Variants in TENM4 observed in about 807,000 individuals in gnomAD.
TENM4 encodes teneurin-4.
Under a neutral mutation model 243.3 loss-of-function variants are expected in TENM4, and 82 were observed. The observed-to-expected ratio is 0.34, with a 90% CI of 0.28 to 0.40. TENM4 has a LOEUF of 0.40. TENM4 is among the 10% of genes least tolerant of loss of function. TENM4 has a pLI of 1.00. For synonymous variants in TENM4, 1,412 were observed against 1,456.3 expected, an observed-to-expected ratio of 0.97 and a Z score of 0.69; for missense variants, 3,138 against 3,673.3, an observed-to-expected ratio of 0.85 and a Z score of 3.77.
At chr11:78,822,516 T>C (rs755901096) in intron 12 of TENM4, among the ~76,000 whole-genome samples, 1 of 152,308 alleles carries the variant, frequency 6.6e-6, no homozygotes, top group Non-Finnish European at 1.5e-5. Context: ...AGAATCGTCA[T>C]GTTCCATGAG....
At chr11:79,290,426 G>A (rs1440702120) in intron 2 of TENM4, among the ~76,000 whole-genome samples, 1 of 152,222 alleles carries the variant, frequency 6.6e-6, no homozygotes, top group Non-Finnish European at 1.5e-5. Flanking sequence ...AAGACTTATT[G>A]CAGAACCTAG....
chr11:79,175,294 T>A (rs779001090), intron 3 of TENM4, among the ~76,000 whole-genome samples: 1 of 152,158 alleles, frequency 6.6e-6, no homozygotes, highest in Non-Finnish European at 1.5e-5. Context: ...TTTCCACGGG[T>A]GATAGTAAAA....
Position 79,128,339 on chromosome 11 carries a change from A to G in TENM4, c.-66+20371T>C, listed in dbSNP as rs1216095657. Among the ~76,000 whole-genome samples the G allele has an allele frequency of 3.3e-5, 5 of 152,348 alleles. No homozygotes were observed. The East Asian group carries it at 9.6e-4, about 29-fold the overall frequency. On this transcript the variant is annotated intron_variant, in intron 4 of 33. Transcript: ENST00000278550. Reference sequence around the variant, plus strand: ...CACCATGAAACCTGTACTGTCTATCATGAACTGGGTGCTTTCAGACCCATC... The same window carrying G: ...CACCATGAAACCTGTACTGTCTATCGTGAACTGGGTGCTTTCAGACCCATC...
intron 6 of TENM4, among the ~76,000 whole-genome samples, chr11:78,999,644 C>A (rs955780488): frequency 6.6e-6 from 1 of 152,098 alleles, no homozygotes; most frequent in Admixed American, 6.6e-5. Flanking sequence ...ACTGAAGTGT[C>A]CAGTTTTCAA....
At chr11:79,407,822 A>G (rs1858604944) in intron 1 of TENM4, among the ~76,000 whole-genome samples, 1 of 152,156 alleles carries the variant, frequency 6.6e-6, no homozygotes, top group African/African-American at 2.4e-5. Flanking sequence ...GCTGGTTAAC[A>G]GGAATTGCTG....
chr11:79,088,312 C>T (rs560886381), intron 4 of TENM4, among the ~76,000 whole-genome samples: 1 of 152,180 alleles, frequency 6.6e-6, no homozygotes, highest in South Asian at 2.1e-4. Context: ...ATGGAAAGCT[C>T]CTTCACATCT....
chr11:79,120,482 T>G (rs1278998767), intron 4 of TENM4, among the ~76,000 whole-genome samples: 1 of 152,188 alleles, frequency 6.6e-6, no homozygotes, highest in Non-Finnish European at 1.5e-5. Flanking sequence ...ATAATCAAAA[T>G]CAGACGTTTC....
At chr11:79,282,011 T>C (rs758624446) in intron 2 of TENM4, among the ~76,000 whole-genome samples, 1 of 152,248 alleles carries the variant, frequency 6.6e-6, no homozygotes, top group Non-Finnish European at 1.5e-5. Context: ...CTATGCATCT[T>C]TCATGATTCC....
chr11:79,257,575 C>T (rs916143530), intron 2 of TENM4, among the ~76,000 whole-genome samples: 3 of 152,088 alleles, frequency 2.0e-5, no homozygotes, highest in African/African-American at 7.2e-5. Flanking sequence ...GTGGAGGGGC[C>T]CACAGCTAAT....
intron 3 of TENM4, among the ~76,000 whole-genome samples, chr11:79,194,917 C>T (rs1397978607): frequency 6.6e-6 from 1 of 152,168 alleles, no homozygotes; most frequent in Non-Finnish European, 1.5e-5. Flanking sequence ...CCCATCACAG[C>T]CCTGGAGGCC....
At chr11:78,749,788 T>C (rs1262354702) in intron 19 of TENM4, among the ~76,000 whole-genome samples, 1 of 152,238 alleles carries the variant, frequency 6.6e-6, no homozygotes, top group Admixed American at 6.5e-5. Flanking sequence ...ATTTCACTCC[T>C]GTTTAGAGCC....
chr11:79,227,474 T>C (rs1437876571), intron 2 of TENM4, among the ~76,000 whole-genome samples: 1 of 152,196 alleles, frequency 6.6e-6, no homozygotes, highest in Non-Finnish European at 1.5e-5. Flanking sequence ...AGCGTCACTC[T>C]GTAGCCTCCA....
At chr11:79,005,456 G>A (rs538761738) in intron 6 of TENM4, among the ~76,000 whole-genome samples, 2 of 152,084 alleles carry the variant, frequency 1.3e-5, no homozygotes, top group Non-Finnish European at 2.9e-5. Flanking sequence ...ATATACGCAA[G>A]TCAATAAATG....
intron 1 of TENM4, among the ~76,000 whole-genome samples, chr11:79,415,670 A>G (rs911933938): frequency 2.0e-5 from 3 of 152,168 alleles, no homozygotes; most frequent in African/African-American, 7.2e-5. Flanking sequence ...CTTGTAAACA[A>G]ACTCCAGCAT....
chr11:79,365,587 G>A (rs954855913), intron 1 of TENM4, among the ~76,000 whole-genome samples: 5 of 152,120 alleles, frequency 3.3e-5, no homozygotes, highest in African/African-American at 1.2e-4. Context: ...TGGGCCAGGC[G>A]CTGAGGACAC....
intron 12 of TENM4, among the ~76,000 whole-genome samples, chr11:78,824,503 CTTTTTT>C (rs35834549): frequency 7.3e-6 from 1 of 137,056 alleles, no homozygotes; most frequent in Non-Finnish European, 1.5e-5. Flanking sequence ...TTCTTTCTTT[CTTTTTT>C]TTTTTTTTTG....
chr11:78,676,003 T>G, intron 30 of TENM4, 149 bp downstream of exon 30: 2 of 748,730 alleles, frequency 2.7e-6, no homozygotes, highest in Non-Finnish European at 4.1e-6. Flanking sequence ...CACACAAGGG[T>G]CTCTGATCAC....
At chr11:78,862,784 G>A (rs956622986) in intron 10 of TENM4, among the ~76,000 whole-genome samples, 178 bp downstream of exon 10, 8 of 152,222 alleles carry the variant, frequency 5.3e-5, no homozygotes, top group Non-Finnish European at 1.2e-4. Context: ...ACAAGGAACT[G>A]CGATGAAGAC....
chr11:78,724,828 C>A (rs370439506), intron 23 of TENM4, among the ~76,000 whole-genome samples: 17 of 152,236 alleles, frequency 1.1e-4, no homozygotes, highest in African/African-American at 4.1e-4. Flanking sequence ...ACTTGCTCTT[C>A]ATCCTTGACC....
Sources: allele counts gnomAD v4.1 joint callset (sites outside exome capture counted in the v4.1 genomes callset), GRCh38; gene constraint gnomAD v4.1.1; transcripts MANE v1.5; gene names NCBI Gene and HGNC (gene_info 2026-07-23, HGNC 2026-07-21).